NALF1: variants seen among roughly 807,000 people sequenced by gnomAD.
The protein encoded by NALF1 is family with sequence similarity 155 member A.
Under a neutral mutation model 48.4 loss-of-function variants are expected in NALF1, and 3 were observed. The observed-to-expected ratio is 0.06, with a 90% CI of 0.03 to 0.16. The LOEUF is 0.16. Among genes scored for constraint, NALF1 ranks in the 10% least tolerant of loss-of-function variants. The pLI is 1.00. For missense variants in NALF1, 526 were observed against 571.5 expected, an observed-to-expected ratio of 0.92 and a Z score of 0.81; for synonymous variants, 262 against 245.7, an observed-to-expected ratio of 1.07 and a Z score of -0.62.
In NALF1 at chr13:107,580,728, A is replaced by G. The variant is rs977290247; in HGVS notation, c.915+284954T>C. Among the ~76,000 whole-genome samples the G allele has an allele frequency of 2.0e-5, 3 of 152,194 alleles. No homozygotes were observed. In the East Asian group the frequency reaches 5.8e-4, roughly 29 times the overall value. ...ATATATTCTTTCAAGTTTTGAGGAAAAAGCTTAAAACTTTGGAGAATCATG... is the reference window on the plus strand; with the variant it reads ...ATATATTCTTTCAAGTTTTGAGGAAGAAGCTTAAAACTTTGGAGAATCATG... On this transcript the variant is annotated intron_variant, in intron 1 of 2. Coordinates refer to ENST00000375915, the MANE Select transcript of NALF1 (RefSeq NM_001080396.3).
rs1160048202 is a variant in NALF1, at chr13:107,565,076, A to AC, written c.915+300605_915+300606insG. Among the ~76,000 whole-genome samples the AC allele has an allele frequency of 2.5e-4, 37 of 149,816 alleles. 1 individual carries two copies. Among genetic ancestry groups the AC allele is most frequent in the Non-Finnish European group, 4.9e-4 (33 of 67,410 alleles). On this transcript the variant is annotated intron_variant, in intron 1 of 2. Coordinates refer to ENST00000375915, the MANE Select transcript of NALF1 (RefSeq NM_001080396.3). ...AGGGGTGATATCTGCAAAAAAAAAA[A>AC]AAAAAAAACCTAGCATAAGTAAAAG...
At chr13:107,769,704 GAAGA>G (rs1877523192) in intron 1 of NALF1, among the ~76,000 whole-genome samples, 1 of 133,820 alleles carries the variant, frequency 7.5e-6, no homozygotes. Context: ...AAAAAAAAAA[GAAGA>G]AATAAACACA....
intron 1 of NALF1, among the ~76,000 whole-genome samples, chr13:107,576,995 T>C (rs1397648369): frequency 6.6e-6 from 1 of 152,152 alleles, no homozygotes; most frequent in Non-Finnish European, 1.5e-5. Context: ...AATAGGCACA[T>C]TTTTATAACA....
At chr13:107,823,977 G>GTTA (rs138189827) in intron 1 of NALF1, among the ~76,000 whole-genome samples, 6,678 of 148,806 alleles carry the variant, frequency 0.045, 216 homozygotes, top group African/African-American at 0.093. Flanking sequence ...TACCATTGCT[G>GTTA]TTATTATTAT....
Position 107,659,855 on chromosome 13 carries a change from G to C in NALF1, c.915+205827C>G, listed in dbSNP as rs9559126. On this transcript the variant is annotated intron_variant, in intron 1 of 2. Transcript: ENST00000375915. ...AGATGTAGTCTCGCTCTGTTGCCCA[G>C]GCTGGAGTGCAGTGGTGCAATCTCA... Among the ~76,000 whole-genome samples, 291 of 150,986 alleles carry C rather than the reference G, an allele frequency of 1.9e-3. 2 individuals carry two copies. The East Asian group carries it at 0.027, about 14-fold the overall frequency.
At chr13:107,240,131 G>T (rs1880437206) in intron 1 of NALF1, among the ~76,000 whole-genome samples, 1 of 152,172 alleles carries the variant, frequency 6.6e-6, no homozygotes, top group Admixed American at 6.5e-5. Context: ...ATATGCTGAA[G>T]CCTTAAGCCC....
intron 1 of NALF1, among the ~76,000 whole-genome samples, chr13:107,355,388 G>T (rs147948320): frequency 4.6e-5 from 7 of 152,184 alleles, no homozygotes; most frequent in Non-Finnish European, 8.8e-5. Flanking sequence ...TCTTGGTCTT[G>T]TAATCCACTA....
intron 1 of NALF1, among the ~76,000 whole-genome samples, chr13:107,767,687 G>C (rs375296831): frequency 6.6e-5 from 10 of 152,094 alleles, no homozygotes; most frequent in African/African-American, 2.4e-4. Flanking sequence ...TTTCACTAAA[G>C]TATCACAATT....
intron 1 of NALF1, among the ~76,000 whole-genome samples, chr13:107,444,386 A>G (rs980808382): frequency 4.6e-5 from 7 of 152,216 alleles, no homozygotes; most frequent in Admixed American, 4.6e-4. Context: ...TTGTCCACAA[A>G]TATCAGGAGA....
chr13:107,410,751 C>T (rs1293492683), intron 1 of NALF1, among the ~76,000 whole-genome samples: 1 of 152,128 alleles, frequency 6.6e-6, no homozygotes, highest in African/African-American at 2.4e-5. Context: ...CTATGTCTCT[C>T]ATTTAAAATT....
At chr13:107,283,998 T>C (rs1881441653) in intron 1 of NALF1, among the ~76,000 whole-genome samples, 2 of 152,018 alleles carry the variant, frequency 1.3e-5, no homozygotes, top group African/African-American at 4.8e-5. Context: ...GCCTGACAGA[T>C]AAATCACTTA....
At chr13:107,575,145 T>A (rs1020135234) in intron 1 of NALF1, among the ~76,000 whole-genome samples, 15 of 151,792 alleles carry the variant, frequency 9.9e-5, no homozygotes, top group African/African-American at 2.9e-4. Flanking sequence ...AAAATTAGGA[T>A]GATAACACAG....
intron 1 of NALF1, among the ~76,000 whole-genome samples, chr13:107,768,193 G>A (rs1199059474): frequency 3.3e-5 from 5 of 152,092 alleles, no homozygotes; most frequent in African/African-American, 7.2e-5. Flanking sequence ...AGAATGAAAT[G>A]AGACAATACA....
chr13:107,842,249 T>C (rs1407248624), intron 1 of NALF1, among the ~76,000 whole-genome samples: 1 of 152,036 alleles, frequency 6.6e-6, no homozygotes, highest in Non-Finnish European at 1.5e-5. Flanking sequence ...ATCATTTATA[T>C]GTATGAAAAT....
chr13:107,435,734 G>C (rs910176078), intron 1 of NALF1, among the ~76,000 whole-genome samples: 6 of 145,168 alleles, frequency 4.1e-5, no homozygotes, highest in African/African-American at 1.5e-4. Context: ...CTTTTGATAA[G>C]TATTTACATC....
At chr13:107,858,199 G>A (rs80327797) in intron 1 of NALF1, among the ~76,000 whole-genome samples, 5,669 of 152,126 alleles carry the variant, frequency 0.037, 244 homozygotes, top group East Asian at 0.21. Flanking sequence ...CTATATCATC[G>A]AAAAATGTTT....
intron 1 of NALF1, among the ~76,000 whole-genome samples, chr13:107,341,685 T>C (rs1393436032): frequency 6.6e-6 from 1 of 151,410 alleles, no homozygotes; most frequent in Non-Finnish European, 1.5e-5. Flanking sequence ...GATATACATG[T>C]ATATATGATA....
chr13:107,180,274 A>G (rs1173031375), intron 2 of NALF1, among the ~76,000 whole-genome samples: 1 of 152,142 alleles, frequency 6.6e-6, no homozygotes, highest in Non-Finnish European at 1.5e-5. Context: ...TACAAATACT[A>G]TGTAAGCACA....
intron 1 of NALF1, among the ~76,000 whole-genome samples, chr13:107,591,556 T>C (rs1262606085): frequency 6.6e-6 from 1 of 152,014 alleles, no homozygotes; most frequent in Non-Finnish European, 1.5e-5. Flanking sequence ...GGGGTTGACT[T>C]TGCCTCCAAC....
Sources: allele counts gnomAD v4.1 joint callset (sites outside exome capture counted in the v4.1 genomes callset), GRCh38; gene constraint gnomAD v4.1.1; transcripts MANE v1.5; gene names NCBI Gene and HGNC (gene_info 2026-07-23, HGNC 2026-07-21).